The following ZRANB3 variants were observed in gnomAD, a reference collection of about 807,000 sequenced individuals.
The protein encoded by ZRANB3 is DNA annealing helicase and endonuclease ZRANB3.
ZRANB3 carries 125 observed loss-of-function variants against 133.8 expected under a neutral mutation model. That is an observed-to-expected ratio of 0.93 (90% CI 0.81 to 1.08). ZRANB3 has a LOEUF of 1.08. ZRANB3 is among the 50% of genes least tolerant of loss of function. The pLI, the probability that ZRANB3 is intolerant of heterozygous loss-of-function variation, is 0.00. For synonymous variants in ZRANB3, 387 were observed against 432.7 expected (o/e 0.89, Z 1.31); for missense variants, 1,229 against 1,275.5 (o/e 0.96, Z 0.56).
At chr2:135,292,481 G>A (rs1681803813) in intron 8 of ZRANB3, among the ~76,000 whole-genome samples, 1 of 152,210 alleles carries the variant, frequency 6.6e-6, no homozygotes, top group Non-Finnish European at 1.5e-5. Flanking sequence ...GTGCATTGTA[G>A]ATGCTGGATA....
intron 6 of ZRANB3, among the ~76,000 whole-genome samples, chr2:135,329,684 T>C (rs947685395): frequency 2.0e-5 from 3 of 152,294 alleles, no homozygotes; most frequent in African/African-American, 4.8e-5. Context: ...ATTCTTCCTA[T>C]CCATGAGCAT....
chr2:135,324,086 T>A (rs1683677040), intron 6 of ZRANB3, among the ~76,000 whole-genome samples: 1 of 151,758 alleles, frequency 6.6e-6, no homozygotes, highest in African/African-American at 2.4e-5. Flanking sequence ...TGATTTTTTT[T>A]TATTATTATT....
At chr2:135,322,534 A>C (rs187670852) in intron 6 of ZRANB3, among the ~76,000 whole-genome samples, 291 of 151,918 alleles carry the variant, frequency 1.9e-3, no homozygotes, top group African/African-American at 6.6e-3. Context: ...TGGGCAACAT[A>C]GCAAGACCCA....
At chr2:135,201,352 G>A (rs1449836326) in intron 20 of ZRANB3, among the ~76,000 whole-genome samples, 2 of 152,006 alleles carry the variant, frequency 1.3e-5, no homozygotes, top group Non-Finnish European at 2.9e-5. Flanking sequence ...GAAACAGTAA[G>A]GACAGAAGAG....
intron 15 of ZRANB3, 96 bp from the exon 16 acceptor site, chr2:135,219,274 T>A: frequency 1.2e-6 from 1 of 810,846 alleles, no homozygotes; most frequent in Non-Finnish European, 1.8e-6. Flanking sequence ...ACAATATGCC[T>A]AGTCTCCTAA....
chr2:135,369,616 T>C (rs544016153), intron 3 of ZRANB3, among the ~76,000 whole-genome samples: 1 of 152,206 alleles, frequency 6.6e-6, no homozygotes, highest in African/African-American at 2.4e-5. Context: ...ACAAATAAAA[T>C]ATTATACAGA....
chr2:135,355,044 A>G (rs1344873803), intron 3 of ZRANB3, among the ~76,000 whole-genome samples: 2 of 152,250 alleles, frequency 1.3e-5, no homozygotes, highest in African/African-American at 4.8e-5. Context: ...CTGAAAACAA[A>G]GAGTTTAAAA....
intron 8 of ZRANB3, among the ~76,000 whole-genome samples, chr2:135,293,336 T>C (rs948878776): frequency 1.1e-4 from 17 of 151,846 alleles, no homozygotes; most frequent in Admixed American, 3.3e-4. Context: ...GATTCCTAGG[T>C]ATTTTACTCT....
At chr2:135,202,715 G>A in intron 20 of ZRANB3, 117 bp downstream of exon 20, 1 of 1,290,336 alleles carries the variant, frequency 7.7e-7, no homozygotes, top group East Asian at 2.7e-5. Flanking sequence ...GGAGTAAAAT[G>A]TGCCTCGAAT....
intron 12 of ZRANB3, among the ~76,000 whole-genome samples, chr2:135,254,044 G>A (rs939388592): frequency 6.6e-6 from 1 of 152,194 alleles, no homozygotes; most frequent in Non-Finnish European, 1.5e-5. Flanking sequence ...TACTGCTAAA[G>A]TTTTAGGCTT....
intron 8 of ZRANB3, among the ~76,000 whole-genome samples, chr2:135,300,523 G>A (rs1186208442): frequency 6.6e-6 from 1 of 152,120 alleles, no homozygotes; most frequent in African/African-American, 2.4e-5. Flanking sequence ...TGTTGTGTTT[G>A]GCACAGATTA....
chr2:135,377,160 A>T (rs1415671292), intron 3 of ZRANB3, among the ~76,000 whole-genome samples: 1 of 152,238 alleles, frequency 6.6e-6, no homozygotes, highest in Non-Finnish European at 1.5e-5. Flanking sequence ...AGGGTTAAAG[A>T]TTACAGATAC....
intron 2 of ZRANB3, among the ~76,000 whole-genome samples, chr2:135,436,466 A>G (rs1689537515): frequency 1.3e-5 from 2 of 152,202 alleles, no homozygotes; most frequent in South Asian, 4.1e-4. Context: ...CCATACACCA[A>G]CAACAGCCAA....
intron 2 of ZRANB3, among the ~76,000 whole-genome samples, chr2:135,501,774 G>T (rs1036955649): frequency 1.3e-5 from 2 of 152,030 alleles, no homozygotes; most frequent in African/African-American, 4.8e-5. Context: ...GGACTGATTC[G>T]CCATGATTCC....
intron 15 of ZRANB3, among the ~76,000 whole-genome samples, chr2:135,222,229 C>G (rs545373601): frequency 2.0e-5 from 3 of 151,700 alleles, no homozygotes; most frequent in Admixed American, 6.6e-5. Context: ...ACAGTGGAAC[C>G]CTGTCTCTAC....
At chr2:135,482,875 C>T (rs1231830037) in intron 2 of ZRANB3, among the ~76,000 whole-genome samples, 1 of 151,930 alleles carries the variant, frequency 6.6e-6, no homozygotes, top group Non-Finnish European at 1.5e-5. Context: ...TTGAGATAAT[C>T]ATGTGGTTTT....
chr2:135,220,045 A>G lies in ZRANB3; in HGVS notation c.2251-867T>C, dbSNP rs991299657. On this transcript the variant is annotated intron_variant, in intron 15 of 20. Transcript: ENST00000264159. ...TTCCACCACGCCTGGCTAATTTTTT[A>G]TATTTTTTGTAGAGACAGGTTTTCA... 5.9e-5 allele frequency among the ~76,000 whole-genome samples: 9 copies of G among 151,580 alleles called. No homozygotes were observed. In the South Asian group the frequency reaches 6.3e-4, roughly 11 times the overall value.
chr2:135,273,964 G>A (rs1276207956), intron 9 of ZRANB3, among the ~76,000 whole-genome samples: 1 of 152,056 alleles, frequency 6.6e-6, no homozygotes, highest in Non-Finnish European at 1.5e-5. Flanking sequence ...AATGGAATCA[G>A]AATAAGAAAA....
chr2:135,290,067 T>C (rs992830009), intron 8 of ZRANB3, among the ~76,000 whole-genome samples: 8 of 152,354 alleles, frequency 5.3e-5, no homozygotes, highest in Admixed American at 3.9e-4. Flanking sequence ...GTCCATTTGT[T>C]CTAGGGTACA....
Sources: gnomAD v4.1 joint callset for allele counts (sites outside exome capture counted in the v4.1 genomes callset) on GRCh38, gnomAD v4.1.1 for gene constraint, MANE v1.5 for transcripts, NCBI Gene and HGNC (gene_info 2026-07-23, HGNC 2026-07-21) for gene names.